Variants in GALNTL6 observed in about 807,000 individuals in gnomAD.
GALNTL6 encodes the protein polypeptide N-acetylgalactosaminyltransferase-like 6.
Under a neutral mutation model 73.7 loss-of-function variants are expected in GALNTL6, and 46 were observed. The observed-to-expected ratio is 0.62, with a 90% CI of 0.49 to 0.80. The LOEUF is 0.80. Ranked by LOEUF, GALNTL6 falls within the 30% of genes least tolerant of loss-of-function variation. The pLI, the probability that GALNTL6 is intolerant of heterozygous loss-of-function variation, is 0.00. For missense variants in GALNTL6, 604 were observed against 755.0 expected, an observed-to-expected ratio of 0.80 and a Z score of 2.34; for synonymous variants, 259 against 263.7, an observed-to-expected ratio of 0.98 and a Z score of 0.17.
chr4:172,325,179 T>C (rs1042514936), intron 4 of GALNTL6, among the ~76,000 whole-genome samples: 7 of 151,942 alleles, frequency 4.6e-5, no homozygotes, highest in African/African-American at 1.7e-4. Flanking sequence ...TCAACAAGCA[T>C]TTAAATTATA....
intron 2 of GALNTL6, among the ~76,000 whole-genome samples, chr4:172,177,704 A>G (rs984732400): frequency 8.0e-6 from 1 of 125,074 alleles, no homozygotes; most frequent in African/African-American, 3.2e-5. Flanking sequence ...ATAGTAATAT[A>G]TATGTTTACT....
chr4:172,404,490 C>A (rs1744142930), intron 5 of GALNTL6, among the ~76,000 whole-genome samples: 1 of 152,042 alleles, frequency 6.6e-6, no homozygotes. Context: ...ATAAATTTTT[C>A]ATTTCCTCCT....
chr4:172,295,601 G>A (rs1447761702), intron 3 of GALNTL6, among the ~76,000 whole-genome samples: 1 of 84,928 alleles, frequency 1.2e-5, no homozygotes, highest in Non-Finnish European at 2.1e-5. Flanking sequence ...AATATGTGTA[G>A]TTTTAATTTT....
chr4:173,006,785 T>C (rs1189653577), intron 10 of GALNTL6, among the ~76,000 whole-genome samples: 1 of 152,148 alleles, frequency 6.6e-6, no homozygotes, highest in Non-Finnish European at 1.5e-5. Context: ...AGTCGATGGG[T>C]TCCAGGAAAA....
chr4:172,262,026 G>T (rs1738274011), intron 3 of GALNTL6, among the ~76,000 whole-genome samples: 1 of 151,092 alleles, frequency 6.6e-6, no homozygotes, highest in African/African-American at 2.4e-5. Context: ...AAACAATTTT[G>T]TTTTTAATGG....
chr4:172,212,060 T>G (rs1443723572), intron 2 of GALNTL6, among the ~76,000 whole-genome samples: 1 of 152,232 alleles, frequency 6.6e-6, no homozygotes, highest in African/African-American at 2.4e-5. Context: ...TTACTTAGGT[T>G]AGCGCCTTCT....
intron 2 of GALNTL6, among the ~76,000 whole-genome samples, chr4:171,997,378 G>C (rs143098626): frequency 6.6e-6 from 1 of 151,898 alleles, no homozygotes; most frequent in East Asian, 1.9e-4. Flanking sequence ...CTTGATTTAC[G>C]ATGGGGTTAT....
intron 2 of GALNTL6, among the ~76,000 whole-genome samples, chr4:172,215,351 G>A (rs1478732797): frequency 6.6e-6 from 1 of 152,024 alleles, no homozygotes; most frequent in Non-Finnish European, 1.5e-5. Context: ...GAGGTTTTGA[G>A]GTTTCCAACT....
intron 3 of GALNTL6, among the ~76,000 whole-genome samples, chr4:172,269,425 C>CAAGTT (rs1238598643): frequency 2.0e-5 from 3 of 152,130 alleles, no homozygotes; most frequent in Admixed American, 2.0e-4. Context: ...GAATAGATGG[C>CAAGTT]AAGTTATTCC....
intron 2 of GALNTL6, among the ~76,000 whole-genome samples, chr4:172,018,176 C>A (rs73870121): frequency 6.6e-6 from 1 of 152,030 alleles, no homozygotes; most frequent in African/African-American, 2.4e-5. Context: ...TTCAACAGAG[C>A]ACCAGCTGTG....
intron 3 of GALNTL6, among the ~76,000 whole-genome samples, chr4:172,233,974 G>A (rs957569459): frequency 2.6e-5 from 4 of 151,786 alleles, no homozygotes; most frequent in Non-Finnish European, 5.9e-5. Context: ...CTCAGATTAT[G>A]TTTAGTATTA....
chr4:171,879,422 A>G (rs1367249793), intron 2 of GALNTL6, among the ~76,000 whole-genome samples: 4 of 152,162 alleles, frequency 2.6e-5, no homozygotes, highest in Middle Eastern at 6.3e-3. Context: ...CAAATTCTAT[A>G]TATAGCTCTA....
At chr4:172,909,822 T>C (rs1747105675) in intron 8 of GALNTL6, among the ~76,000 whole-genome samples, 1 of 152,054 alleles carries the variant, frequency 6.6e-6, no homozygotes, top group South Asian at 2.1e-4. Context: ...AAATGACACA[T>C]ATACAACACA....
intron 5 of GALNTL6, among the ~76,000 whole-genome samples, chr4:172,376,272 G>A (rs1239169183): frequency 6.6e-6 from 1 of 152,166 alleles, no homozygotes; most frequent in Non-Finnish European, 1.5e-5. Flanking sequence ...GAGGTGAGAG[G>A]AAGTTTTGTC....
At chr4:172,424,615 G>A (rs1196449264) in intron 5 of GALNTL6, among the ~76,000 whole-genome samples, 1 of 152,122 alleles carries the variant, frequency 6.6e-6, no homozygotes, top group Non-Finnish European at 1.5e-5. Context: ...ATGAGCGGCT[G>A]CTCCATGCAG....
chr4:172,495,866 G>A (rs929833582), intron 5 of GALNTL6, among the ~76,000 whole-genome samples: 1 of 152,080 alleles, frequency 6.6e-6, no homozygotes, highest in African/African-American at 2.4e-5. Flanking sequence ...AATTAAAGAT[G>A]GTTCTACTTC....
At chr4:172,705,942 G>C (rs918844610) in intron 5 of GALNTL6, among the ~76,000 whole-genome samples, 1 of 151,886 alleles carries the variant, frequency 6.6e-6, no homozygotes, top group Middle Eastern at 3.2e-3. Context: ...TATATGCCTT[G>C]GGGTAGTTTT....
At chr4:172,454,572 C>T (rs1732323926) in intron 5 of GALNTL6, among the ~76,000 whole-genome samples, 1 of 152,198 alleles carries the variant, frequency 6.6e-6, no homozygotes, top group Admixed American at 6.5e-5. Context: ...GCCCACTGGG[C>T]AGAATTCTAC....
chr4:172,610,282 T>G (rs1390670476), intron 5 of GALNTL6, among the ~76,000 whole-genome samples: 1 of 151,902 alleles, frequency 6.6e-6, no homozygotes, highest in Non-Finnish European at 1.5e-5. Flanking sequence ...ACACCTAGAG[T>G]GTGATGTTAG....
Sources: allele counts gnomAD v4.1 joint callset (sites outside exome capture counted in the v4.1 genomes callset), GRCh38; gene constraint gnomAD v4.1.1; transcripts MANE v1.5; gene names NCBI Gene and HGNC (gene_info 2026-07-23, HGNC 2026-07-21).